MTA3: variants seen among roughly 807,000 people sequenced by gnomAD.
MTA3 encodes metastasis associated 1 family member 3.
A neutral mutation model predicts 83.5 loss-of-function variants in MTA3; 34 were observed. That is an observed-to-expected ratio of 0.41 (90% confidence interval 0.31 to 0.54). MTA3 has a LOEUF of 0.54. MTA3 is among the 20% of genes least tolerant of loss of function. MTA3 has a pLI of 0.33. For synonymous variants in MTA3, 303 were observed against 252.7 expected (o/e 1.20, Z -1.89); for missense variants, 761 against 726.4 (o/e 1.05, Z -0.55).
chr2:42,613,761 G>T (rs1201749312), intron 4 of MTA3: 1 of 152,202 alleles, frequency 6.6e-6, no homozygotes, highest in African/African-American at 2.4e-5. Flanking sequence ...ACTTCCCAAA[G>T]TGGCAGGGAG....
chr2:42,615,264 T>C (rs540557621), intron 4 of MTA3, among the ~76,000 whole-genome samples: 51 of 151,792 alleles, frequency 3.4e-4, no homozygotes, highest in African/African-American at 1.2e-3. Context: ...TTTTTTCTTT[T>C]TTTTTTTTTT....
intron 9 of MTA3, 109 bp downstream of exon 9, chr2:42,682,698 T>G: frequency 2.1e-6 from 2 of 953,762 alleles, no homozygotes; most frequent in Non-Finnish European, 3.1e-6. Flanking sequence ...GTTAATAGTT[T>G]TTATCTGCTC....
At chr2:42,551,152 T>A (rs1211588857) in intron 2 of MTA3, among the ~76,000 whole-genome samples, 1 of 152,072 alleles carries the variant, frequency 6.6e-6, no homozygotes, top group African/African-American at 2.4e-5. Context: ...TGAGCTCGGG[T>A]CATTCATTTG....
Position 42,756,211 on chromosome 2 carries a change from A to G in MTA3, c.*2812A>G. On this transcript the variant is annotated 3_prime_UTR_variant, in exon 17 of 17. Transcript: ENST00000405094. ...GTCACCAGAGCCTGGGGCCAAGGCCACTGGGGGACCTGCCACACTGTGGAC... is the reference window on the plus strand; with the variant it reads ...GTCACCAGAGCCTGGGGCCAAGGCCGCTGGGGGACCTGCCACACTGTGGAC... 4.7e-6 allele frequency: 1 copy of G among 212,152 alleles called. No homozygotes were observed. The highest frequency in any genetic ancestry group is 1.7e-4 in the South Asian group (1 of 5,958). The allele number at this position is 212,152 out of a possible 1,614,324, so 13.1% of individuals were successfully genotyped here.
intron 14 of MTA3, among the ~76,000 whole-genome samples, chr2:42,714,030 A>G (rs1410437908): frequency 1.3e-5 from 2 of 152,202 alleles, no homozygotes; most frequent in Non-Finnish European, 2.9e-5. Context: ...AGTCCCACTC[A>G]CAACATCTAG....
At chr2:42,674,596 C>CTTTTTTT (rs34154066) in intron 8 of MTA3, among the ~76,000 whole-genome samples, 12 of 114,332 alleles carry the variant, frequency 1.0e-4, no homozygotes, top group African/African-American at 1.4e-4. Context: ...TTTTCTTCTT[C>CTTTTTTT]TTTTTTTTTT....
At chr2:42,573,925 TCTC>T (rs1257220155) in intron 2 of MTA3, among the ~76,000 whole-genome samples, 1 of 152,000 alleles carries the variant, frequency 6.6e-6, no homozygotes, top group South Asian at 2.1e-4. Flanking sequence ...TTCACACCAT[TCTC>T]CTGCCTCAGC....
At chr2:42,500,066 T>C (rs1674328794) in intron 2 of MTA3, among the ~76,000 whole-genome samples, 1 of 151,722 alleles carries the variant, frequency 6.6e-6, no homozygotes. Flanking sequence ...GTCAGGAGTT[T>C]GAGACCAGCC....
chr2:42,556,628 C>G (rs1037726087), intron 2 of MTA3, among the ~76,000 whole-genome samples: 17 of 152,248 alleles, frequency 1.1e-4, no homozygotes, highest in African/African-American at 3.9e-4. Context: ...GGGTAAAGCT[C>G]GACCAAGATG....
chr2:42,669,377 G>T (rs745727086), intron 8 of MTA3, among the ~76,000 whole-genome samples: 4 of 152,020 alleles, frequency 2.6e-5, no homozygotes, highest in Non-Finnish European at 5.9e-5. Flanking sequence ...GAGCCACTGC[G>T]CCTGGCCAGA....
intron 3 of MTA3, among the ~76,000 whole-genome samples, chr2:42,585,987 A>G (rs1249801128): frequency 2.0e-5 from 3 of 152,036 alleles, no homozygotes; most frequent in Non-Finnish European, 4.4e-5. Context: ...CCTGACAAAT[A>G]AAAAGAAAAT....
At chr2:42,523,739 C>T (rs771678527) in intron 2 of MTA3, among the ~76,000 whole-genome samples, 6 of 151,962 alleles carry the variant, frequency 3.9e-5, no homozygotes, top group Non-Finnish European at 8.8e-5. Flanking sequence ...GTGGCGAAAC[C>T]TCTTCTCTAA....
intron 4 of MTA3, among the ~76,000 whole-genome samples, chr2:42,637,885 A>G (rs552349434): frequency 1.3e-5 from 2 of 152,292 alleles, no homozygotes; most frequent in Non-Finnish European, 2.9e-5. Flanking sequence ...CTTTTAAAGT[A>G]TGCTATATTG....
chr2:42,609,171 C>T (rs1683876052), intron 3 of MTA3, among the ~76,000 whole-genome samples: 1 of 151,562 alleles, frequency 6.6e-6, no homozygotes, highest in Non-Finnish European at 1.5e-5. Flanking sequence ...GCTGGGATTA[C>T]AGGCGCCCAC....
At chr2:42,498,463 T>A (rs145796961) in intron 2 of MTA3, among the ~76,000 whole-genome samples, 2 of 152,270 alleles carry the variant, frequency 1.3e-5, no homozygotes, top group Non-Finnish European at 2.9e-5. Flanking sequence ...AAGAGGGAAA[T>A]AACAGGTTGG....
intron 2 of MTA3, among the ~76,000 whole-genome samples, chr2:42,524,091 A>G (rs1324695429): frequency 6.6e-6 from 1 of 152,116 alleles, no homozygotes; most frequent in Admixed American, 6.5e-5. Flanking sequence ...GGGCCATCCT[A>G]AGAAACATCT....
At chr2:42,544,494 A>G (rs1277335197) in intron 2 of MTA3, among the ~76,000 whole-genome samples, 1 of 151,680 alleles carries the variant, frequency 6.6e-6, no homozygotes, top group African/African-American at 2.4e-5. Context: ...ACATAGTTAT[A>G]GTCATGCTTT....
At position 42,676,326 on chromosome 2, in the gene MTA3, A is replaced by G. The variant is rs546133313; in HGVS notation, c.703-6075A>G. ...TAGGTAACAGCCCATCATCATTTAA[A>G]AAAGTATCCATAAGAAAAGCAGTTT... On this transcript the variant is annotated intron_variant, in intron 8 of 16. Transcript: ENST00000405094. Among the ~76,000 whole-genome samples, 23 of 152,376 alleles carry G rather than the reference A, an allele frequency of 1.5e-4. 1 individual carries two copies. The South Asian group carries it at 4.3e-3, about 29-fold the overall frequency.
intron 8 of MTA3, among the ~76,000 whole-genome samples, chr2:42,660,403 A>G (rs1171751391): frequency 1.3e-5 from 2 of 152,148 alleles, no homozygotes; most frequent in Non-Finnish European, 1.5e-5. Context: ...GCTATTTTCT[A>G]TATAATTTTA....
Sources: gnomAD v4.1 joint callset for allele counts (sites outside exome capture counted in the v4.1 genomes callset) on GRCh38, gnomAD v4.1.1 for gene constraint, MANE v1.5 for transcripts, NCBI Gene and HGNC (gene_info 2026-07-23, HGNC 2026-07-21) for gene names.